The following CEP135 variants were observed in gnomAD, a reference collection of about 807,000 sequenced individuals.
The protein encoded by CEP135 is centrosomal protein 135.
Under a neutral mutation model 157.3 loss-of-function variants are expected in CEP135, and 142 were observed. The observed-to-expected ratio is 0.90, with a 90% confidence interval of 0.79 to 1.04. CEP135 has a LOEUF of 1.04. Ranked by LOEUF, CEP135 falls within the 50% of genes least tolerant of loss-of-function variation. The pLI is 0.00. For synonymous variants in CEP135, 396 were observed against 439.8 expected (o/e 0.90, Z 1.25); for missense variants, 1,317 against 1,309.2 (o/e 1.01, Z -0.09).
intron 13 of CEP135, among the ~76,000 whole-genome samples, chr4:55,984,520 C>T (rs959829691): frequency 2.2e-4 from 34 of 152,108 alleles, no homozygotes; most frequent in East Asian, 7.7e-4. Flanking sequence ...AGACTTCATC[C>T]GCTTTACTCA....
At chr4:55,996,940 A>G (rs1729989328) in intron 15 of CEP135, among the ~76,000 whole-genome samples, 1 of 152,198 alleles carries the variant, frequency 6.6e-6, no homozygotes, top group African/African-American at 2.4e-5. Context: ...GAGGAATTTG[A>G]ATCTCAAAGA....
Position 55,980,165 on chromosome 4 carries a change from A to C in CEP135, c.1496A>C (p.His499Pro), listed in dbSNP as rs1460943425. ...CAGGGTGATTACAATTCAGAAATTC[A>C]TCAGATCACAAGAGAAAGAGATGAA... ...PEKGDYNSEIHQITRERDELQ... is the reference protein window; with the variant it reads ...PEKGDYNSEIPQITRERDELQ... The change falls in exon 12 of 26, where the codon CAT becomes CCT. Residue 499 changes from histidine to proline, a missense_variant. Physicochemically the swap from His to Pro is moderately conservative, Grantham distance 77. Transcript: ENST00000257287. 3.1e-6 allele frequency: 5 copies of C among 1,609,390 alleles called. No individual in the cohort carries two copies. Among genetic ancestry groups the C allele is most frequent in the Non-Finnish European group, 3.4e-6 (4 of 1,178,158 alleles).
At chr4:56,025,947 C>T (rs534578313) in intron 25 of CEP135, among the ~76,000 whole-genome samples, 3 of 151,502 alleles carry the variant, frequency 2.0e-5, no homozygotes, top group African/African-American at 4.8e-5. Context: ...TGGCTCACAC[C>T]TCTGTAATCC....
At chr4:55,971,480 T>C in intron 10 of CEP135, 72 bp downstream of exon 10, 2 of 1,355,314 alleles carry the variant, frequency 1.5e-6, no homozygotes, top group East Asian at 4.9e-5. Flanking sequence ...TCTTAGTAGA[T>C]ATTCATTCAT....
intron 17 of CEP135, among the ~76,000 whole-genome samples, chr4:56,000,233 C>T (rs560748288): frequency 6.6e-6 from 1 of 152,238 alleles, no homozygotes; most frequent in African/African-American, 2.4e-5. Context: ...TTTATTGGTA[C>T]ATATGAGATG....
chr4:55,959,695 C>G lies in CEP135; in HGVS notation c.628C>G (p.Gln210Glu), dbSNP rs1346503072. ...QVADNRIQEL[Q>E]QEVHQLQEKL... ...AGTGCTTTTCAGGATTCAAGAACTT[C>G]AACAGGAAGTCCACCAGCTACAAGA... The change falls in exon 6 of 26, where the codon CAA becomes GAA. Residue 210 changes from glutamine (Q) to glutamate (E), a missense_variant. Coordinates refer to ENST00000257287, the MANE Select transcript of CEP135 (RefSeq NM_025009.5). 6.2e-7 allele frequency: 1 copy of G among 1,613,876 alleles called. No individual in the cohort carries two copies. Among genetic ancestry groups the G allele is most frequent in the South Asian group, 1.1e-5 (1 of 91,058 alleles).
chr4:55,955,785 G>A (rs1000578121), intron 4 of CEP135, among the ~76,000 whole-genome samples: 1 of 152,200 alleles, frequency 6.6e-6, no homozygotes, highest in South Asian at 2.1e-4. Flanking sequence ...AGCAGAGCAG[G>A]AGTCCACTTT....
At chr4:56,008,675 A>T (rs1050722734) in intron 18 of CEP135, among the ~76,000 whole-genome samples, 1 of 152,154 alleles carries the variant, frequency 6.6e-6, no homozygotes, top group Non-Finnish European at 1.5e-5. Context: ...TTAAAACCTA[A>T]AATTACTTTA....
intron 15 of CEP135, among the ~76,000 whole-genome samples, chr4:55,992,462 CTCTT>C (rs1729829033): frequency 6.6e-6 from 1 of 152,154 alleles, no homozygotes; most frequent in Non-Finnish European, 1.5e-5. Flanking sequence ...CATTTTCTTT[CTCTT>C]TCTTGCCTCT....
intron 11 of CEP135, among the ~76,000 whole-genome samples, chr4:55,979,739 T>C (rs1729337373): frequency 6.6e-6 from 1 of 152,186 alleles, no homozygotes; most frequent in Non-Finnish European, 1.5e-5. Context: ...TACCCGGAAG[T>C]TTCTTGACTG....
At chr4:55,975,757 G>T (rs775641740) in intron 11 of CEP135, among the ~76,000 whole-genome samples, 1 of 152,114 alleles carries the variant, frequency 6.6e-6, no homozygotes, top group Non-Finnish European at 1.5e-5. Context: ...GGAAATCTGG[G>T]AGTGTAGAGT....
At chr4:55,987,660 G>A (rs920099252) in intron 14 of CEP135, among the ~76,000 whole-genome samples, 7 of 152,208 alleles carry the variant, frequency 4.6e-5, no homozygotes, top group African/African-American at 1.7e-4. Flanking sequence ...AGGCGGAAGA[G>A]TAAATCTGGT....
At chr4:55,972,227 C>T (rs762372541) in intron 10 of CEP135, among the ~76,000 whole-genome samples, 4 of 152,150 alleles carry the variant, frequency 2.6e-5, no homozygotes, top group Non-Finnish European at 5.9e-5. Context: ...GTGTGCCAGG[C>T]CCTGTTTTTG....
At chr4:55,975,036 A>C in intron 11 of CEP135, 67 bp downstream of exon 11, 3 of 1,157,286 alleles carry the variant, frequency 2.6e-6, no homozygotes, top group Non-Finnish European at 3.6e-6. Context: ...GTTTATTATT[A>C]TATTAAATGT....
chr4:55,976,977 T>C lies in CEP135; in HGVS notation c.1473+2008T>C, dbSNP rs535636183. Among the ~76,000 whole-genome samples, 4 of 152,048 alleles carry C rather than the reference T, an allele frequency of 2.6e-5. No individual in the cohort carries two copies. The East Asian group carries it at 7.7e-4, about 29-fold the overall frequency. On this transcript the variant is annotated intron_variant, in intron 11 of 25. Coordinates refer to ENST00000257287, the MANE Select transcript of CEP135 (RefSeq NM_025009.5). ...GGCATGTGCTACCATGCCTGGCTTT[T>C]TTTTTTTTTGTTTTTTGTATTTTTT...
chr4:55,984,629 C>T lies in CEP135; in HGVS notation c.1780-652C>T, dbSNP rs541950878. 4.6e-5 allele frequency among the ~76,000 whole-genome samples: 7 copies of T among 152,296 alleles called. No individual in the cohort carries two copies. The East Asian group carries it at 1.3e-3, about 29-fold the overall frequency. ...AATACATACAATACAGTGACCCTTT[C>T]AACCAAATGTGTAATCTGAACATCA... On this transcript the variant is annotated intron_variant, in intron 13 of 25. Transcript: ENST00000257287.
intron 1 of CEP135, among the ~76,000 whole-genome samples, chr4:55,950,077 T>C (rs1158767154): frequency 1.3e-5 from 2 of 151,696 alleles, no homozygotes; most frequent in Non-Finnish European, 2.9e-5. Flanking sequence ...CTAAAAACCC[T>C]GCATCACTTA....
chr4:55,968,966 G>C, intron 8 of CEP135, 97 bp from the exon 9 acceptor site: 1 of 800,476 alleles, frequency 1.2e-6, no homozygotes, highest in Non-Finnish European at 1.9e-6. Context: ...TGGTAAGAGG[G>C]AACGTGAAGT....
At chr4:55,959,790 A>ACCTATCTCAATCCCTACTAT in intron 6 of CEP135, 24 bp downstream of exon 6, 1 of 1,536,518 alleles carries the variant, frequency 6.5e-7, no homozygotes, top group Non-Finnish European at 9.0e-7. Flanking sequence ...TTACTTGCAT[A>ACCTATCTCAATCCCTACTAT]GTAGGGATTG....
Sources: allele counts gnomAD v4.1 joint callset (sites outside exome capture counted in the v4.1 genomes callset), GRCh38; gene constraint gnomAD v4.1.1; transcripts MANE v1.5; gene names NCBI Gene and HGNC (gene_info 2026-07-23, HGNC 2026-07-21).